The following COL24A1 variants were observed in gnomAD, a reference collection of about 807,000 sequenced individuals.
The protein encoded by COL24A1 is collagen alpha-1(XXIV) chain.
A neutral mutation model predicts 253.9 loss-of-function variants in COL24A1; 224 were observed. That is an observed-to-expected ratio of 0.88 (90% confidence interval 0.79 to 0.99). The LOEUF (loss-of-function observed/expected upper bound fraction) is 0.99. Among genes scored for constraint, COL24A1 ranks in the 50% least tolerant of loss-of-function variants. COL24A1 has a pLI of 0.00. For missense variants in COL24A1, 2,131 were observed against 2,068.5 expected (o/e 1.03, Z -0.59); for synonymous variants, 685 against 673.7 (o/e 1.02, Z -0.26).
At chr1:85,940,568 A>G (rs958046177) in intron 24 of COL24A1, among the ~76,000 whole-genome samples, 15 of 152,170 alleles carry the variant, frequency 9.9e-5, no homozygotes, top group African/African-American at 3.6e-4. Flanking sequence ...TAAGACAAGC[A>G]CTTCATGATT....
chr1:86,101,465 G>A (rs1434586665), intron 5 of COL24A1, among the ~76,000 whole-genome samples: 1 of 152,016 alleles, frequency 6.6e-6, no homozygotes, highest in Admixed American at 6.6e-5. Context: ...GTCTTATGCT[G>A]GTTTTCAAGG....
At chr1:86,031,844 T>A (rs780003498) in intron 14 of COL24A1, 34 bp downstream of exon 14, 2 of 1,560,290 alleles carry the variant, frequency 1.3e-6, no homozygotes, top group Non-Finnish European at 1.7e-6. Flanking sequence ...AATAAAATAT[T>A]TTCTTAAGAA....
intron 19 of COL24A1, among the ~76,000 whole-genome samples, chr1:86,013,042 T>C (rs147246727): frequency 0.015 from 2,303 of 152,296 alleles, 31 homozygotes; most frequent in Non-Finnish European, 0.024. Flanking sequence ...ATGTGTGTAA[T>C]AAAACAACTT....
intron 23 of COL24A1, among the ~76,000 whole-genome samples, chr1:85,962,677 A>G (rs923553305): frequency 4.6e-5 from 7 of 152,232 alleles, no homozygotes; most frequent in Admixed American, 1.3e-4. Context: ...GGTATAGATT[A>G]ACGAAAGGTA....
Position 86,125,523 on chromosome 1 carries a change from G to A in COL24A1, c.813C>T (p.Pro271=). Residue 271 remains proline, a synonymous_variant, in exon 3 of 60, where the codon CCC becomes CCT. Transcript: ENST00000370571. ...PTKIPEHSPP[P]KLFAEKVLSE... ...ACAGTACTTTTTCAGCAAATAGTTT[G>A]GGCGGGGGAGAGTGTTCCGGTATCT... The A allele has an allele frequency of 6.2e-7, 1 of 1,613,588 alleles. No homozygotes were observed. The highest frequency in any genetic ancestry group is 8.5e-7 in the Non-Finnish European group (1 of 1,179,756).
rs7520146 is a variant in COL24A1, at chr1:85,783,523, T to C, written c.4257A>G (p.Ser1419=). 60,935 of 1,612,946 alleles carry C rather than the reference T, an allele frequency of 0.038. 1,313 individuals carry two copies. The highest frequency in any genetic ancestry group is 0.045 in the Middle Eastern group (273 of 6,054). Residue 1419 remains serine (S), a synonymous_variant, in exon 51 of 60, where the codon TCA becomes TCG. Coordinates refer to ENST00000370571, the MANE Select transcript of COL24A1 (RefSeq NM_152890.7). ...PEGDAGIVGI[S]GPKGPIGHRG... ...TGTGTCCAATAGGACCTTTAGGACCTGATATCCCAACAATGCCAGCATCCC... is the reference window on the plus strand; with the variant it reads ...TGTGTCCAATAGGACCTTTAGGACCCGATATCCCAACAATGCCAGCATCCC...
intron 47 of COL24A1, among the ~76,000 whole-genome samples, chr1:85,800,747 C>T (rs1430947885): frequency 6.6e-6 from 1 of 152,118 alleles, no homozygotes; most frequent in South Asian, 2.1e-4. Flanking sequence ...CCACTGTCCC[C>T]GCCTCTGTGT....
intron 32 of COL24A1, among the ~76,000 whole-genome samples, chr1:85,882,590 GT>G (rs35158341): frequency 0.56 from 85,421 of 151,944 alleles, 24,303 homozygotes; most frequent in South Asian, 0.69. Context: ...GCATTCTACT[GT>G]TGTTGGATAA....
At chr1:85,805,311 G>A (rs1671850312) in intron 47 of COL24A1, among the ~76,000 whole-genome samples, 1 of 152,108 alleles carries the variant, frequency 6.6e-6, no homozygotes, top group Non-Finnish European at 1.5e-5. Context: ...TGAATCTAAG[G>A]AAAGAGATAA....
At chr1:86,050,883 A>G (rs1477771088) in intron 10 of COL24A1, among the ~76,000 whole-genome samples, 2 of 152,054 alleles carry the variant, frequency 1.3e-5, no homozygotes, top group Non-Finnish European at 2.9e-5. Context: ...ACTTGTGGGA[A>G]ATAACCCATT....
chr1:86,094,042 G>A (rs553156783), intron 5 of COL24A1, among the ~76,000 whole-genome samples: 1 of 152,120 alleles, frequency 6.6e-6, no homozygotes, highest in Non-Finnish European at 1.5e-5. Context: ...CTGTTGGTGG[G>A]AGTATAAATC....
intron 4 of COL24A1, among the ~76,000 whole-genome samples, chr1:86,113,246 T>C (rs11161740): frequency 0.54 from 81,043 of 151,344 alleles, 22,210 homozygotes; most frequent in Non-Finnish European, 0.62. Flanking sequence ...AAGGTTATTA[T>C]TTTTACTCCC....
chr1:85,817,849 C>T (rs535842064), intron 46 of COL24A1, among the ~76,000 whole-genome samples, 185 bp downstream of exon 46: 2 of 152,254 alleles, frequency 1.3e-5, no homozygotes, highest in African/African-American at 2.4e-5. Context: ...ATTTAAACAG[C>T]AAGTTTGGTT....
chr1:85,770,308 G>A (rs1280903365), intron 53 of COL24A1, among the ~76,000 whole-genome samples: 5 of 149,692 alleles, frequency 3.3e-5, no homozygotes, highest in Non-Finnish European at 3.0e-5. Flanking sequence ...CCTAAGATGA[G>A]AAAAAAAAAA....
At chr1:86,041,463 G>A (rs916629129) in intron 12 of COL24A1, among the ~76,000 whole-genome samples, 4 of 152,100 alleles carry the variant, frequency 2.6e-5, no homozygotes, top group Non-Finnish European at 5.9e-5. Context: ...CTTGGTACAA[G>A]ACAGAGACTA....
chr1:85,802,490 A>T (rs1308107347), intron 47 of COL24A1, among the ~76,000 whole-genome samples: 1 of 152,116 alleles, frequency 6.6e-6, no homozygotes, highest in East Asian at 1.9e-4. Context: ...AACTCCAGTT[A>T]TCTTTTGGTA....
chr1:85,819,147 T>C (rs1384772246), intron 45 of COL24A1, among the ~76,000 whole-genome samples: 1 of 152,230 alleles, frequency 6.6e-6, no homozygotes, highest in Non-Finnish European at 1.5e-5. Context: ...AAGTCACTAA[T>C]GCAAAATGTT....
intron 46 of COL24A1, among the ~76,000 whole-genome samples, chr1:85,817,550 G>T (rs1673166941): frequency 6.6e-6 from 1 of 151,926 alleles, no homozygotes; most frequent in South Asian, 2.1e-4. Flanking sequence ...ACACTTATCT[G>T]CCTGGCCAGG....
intron 5 of COL24A1, among the ~76,000 whole-genome samples, chr1:86,097,680 CT>C (rs1704114396): frequency 6.7e-6 from 1 of 149,488 alleles, no homozygotes; most frequent in African/African-American, 2.5e-5. Context: ...CCTCCTCCTC[CT>C]TCTTCTTCCT....
Sources: allele counts gnomAD v4.1 joint callset (sites outside exome capture counted in the v4.1 genomes callset), GRCh38; gene constraint gnomAD v4.1.1; transcripts MANE v1.5; gene names NCBI Gene and HGNC (gene_info 2026-07-23, HGNC 2026-07-21).